OLFM3: variants seen among roughly 807,000 people sequenced by gnomAD.
OLFM3 encodes olfactomedin 3, also known as noelin-3.
Under a neutral mutation model 48.6 loss-of-function variants are expected in OLFM3, and 20 were observed. The ratio of observed to expected loss-of-function variants is 0.41; its 90% CI spans 0.29 to 0.60. The LOEUF is 0.60. Among genes scored for constraint, OLFM3 ranks in the 20% least tolerant of loss-of-function variants. The probability of loss-of-function intolerance (pLI) is 0.28; values close to 1 mark genes in which losing one functional copy is unlikely to be tolerated. For synonymous variants in OLFM3, 222 were observed against 198.1 expected (o/e 1.12, Z -1.01); for missense variants, 437 against 544.3 (o/e 0.80, Z 1.96).
chr1:101,882,202 T>C (rs961954928), intron 1 of OLFM3, among the ~76,000 whole-genome samples: 7 of 151,026 alleles, frequency 4.6e-5, no homozygotes, highest in Admixed American at 6.6e-5. Flanking sequence ...TTTGGAAAAC[T>C]ACATAAGTAT....
At position 101,870,954 on chromosome 1, in the gene OLFM3, G is replaced by GA. The variant is rs1161825988; in HGVS notation, c.70-33930dup. Among the ~76,000 whole-genome samples the GA allele has an allele frequency of 7.1e-3, 1,049 of 146,890 alleles. 16 individuals are homozygous for GA. The highest frequency in any genetic ancestry group is 0.024 in the African/African-American group (977 of 40,172). On this transcript the variant is annotated intron_variant, in intron 1 of 5. Transcript: ENST00000370103. Reference sequence around the variant, plus strand: ...GACTTTATAACTCTTTTTTTAAAAAGAAAAAAAAAGAAAAAAAGAAAAGAT... The same window carrying GA: ...GACTTTATAACTCTTTTTTTAAAAAGAAAAAAAAAAGAAAAAAAGAAAAGAT...
At chr1:101,948,119 A>C (rs1165718112) in intron 1 of OLFM3, among the ~76,000 whole-genome samples, 1 of 152,206 alleles carries the variant, frequency 6.6e-6, no homozygotes, top group Non-Finnish European at 1.5e-5. Context: ...TTTAACATTG[A>C]AACAAGGTTC....
intron 1 of OLFM3, chr1:101,837,576 T>C (rs1655491995): frequency 6.6e-6 from 1 of 151,492 alleles, no homozygotes; most frequent in African/African-American, 2.5e-5. Flanking sequence ...TTGCACGAAA[T>C]GCAGACTCTT....
chr1:101,882,106 C>A (rs751724880), intron 1 of OLFM3, among the ~76,000 whole-genome samples: 29 of 150,982 alleles, frequency 1.9e-4, no homozygotes, highest in Non-Finnish European at 3.0e-4. Context: ...GACACACACA[C>A]ATACACACAC....
chr1:101,860,104 G>C (rs1193150160), intron 1 of OLFM3: 1 of 152,080 alleles, frequency 6.6e-6, no homozygotes, highest in Non-Finnish European at 1.5e-5. Context: ...TGGGGTTGCG[G>C]GAAAGGCCAG....
chr1:101,878,730 G>A (rs965637652), intron 1 of OLFM3, among the ~76,000 whole-genome samples: 12 of 151,844 alleles, frequency 7.9e-5, no homozygotes, highest in South Asian at 2.1e-4. Flanking sequence ...AACTCATGAT[G>A]ATGGCAGAAA....
At chr1:101,960,090 G>A (rs919623507) in intron 1 of OLFM3, among the ~76,000 whole-genome samples, 3 of 152,046 alleles carry the variant, frequency 2.0e-5, no homozygotes, top group Non-Finnish European at 4.4e-5. Flanking sequence ...ATAAAATTAC[G>A]AGGCTTATGG....
chr1:101,933,699 A>G (rs1659526641), intron 1 of OLFM3, among the ~76,000 whole-genome samples: 1 of 152,194 alleles, frequency 6.6e-6, no homozygotes, highest in African/African-American at 2.4e-5. Context: ...AAAAAATGTT[A>G]AAGGCAGCTA....
Position 101,964,774 on chromosome 1 carries a change from A to T in OLFM3, c.69+31974T>A, listed in dbSNP as rs187255434. Among the ~76,000 whole-genome samples, 597 of 152,366 alleles carry T rather than the reference A, an allele frequency of 3.9e-3. 2 individuals are homozygous for T. Among genetic ancestry groups the T allele is most frequent in the Non-Finnish European group, 6.4e-3 (433 of 68,038 alleles). On this transcript the variant is annotated intron_variant, in intron 1 of 5. Transcript: ENST00000370103. Reference sequence around the variant, plus strand: ...AAAGAAAGTAAAACTCCATACAAGAATATCAGCATGAAAGTATACAGGAGA... The same window carrying T: ...AAAGAAAGTAAAACTCCATACAAGATTATCAGCATGAAAGTATACAGGAGA...
chr1:101,876,354 C>T (rs1657300237), intron 1 of OLFM3, among the ~76,000 whole-genome samples: 1 of 151,944 alleles, frequency 6.6e-6, no homozygotes, highest in African/African-American at 2.4e-5. Context: ...ACGGCAAGTC[C>T]AAAAGTGCCT....
At chr1:101,877,387 C>T (rs1425672258) in intron 1 of OLFM3, among the ~76,000 whole-genome samples, 1 of 151,882 alleles carries the variant, frequency 6.6e-6, no homozygotes, top group East Asian at 1.9e-4. Context: ...AGCTGGAGAT[C>T]AGGAGATCAA....
chr1:101,861,744 G>A (rs187861360), intron 1 of OLFM3, among the ~76,000 whole-genome samples: 1 of 152,264 alleles, frequency 6.6e-6, no homozygotes, highest in East Asian at 1.9e-4. Context: ...TGGAATGCCA[G>A]GTTTGTCACT....
chr1:101,828,009 GCTCTCTCTCT>G (rs71655097), intron 3 of OLFM3, among the ~76,000 whole-genome samples: 1 of 135,974 alleles, frequency 7.4e-6, no homozygotes, highest in East Asian at 2.2e-4. Flanking sequence ...CTGCATTCAT[GCTCTCTCTCT>G]CTCTCTCTCT....
intron 1 of OLFM3, among the ~76,000 whole-genome samples, chr1:101,910,326 C>T (rs1420118507): frequency 6.6e-6 from 1 of 151,940 alleles, no homozygotes; most frequent in Non-Finnish European, 1.5e-5. Flanking sequence ...ATTAGCCGGG[C>T]GTGGTAGCGG....
At chr1:101,826,386 G>T (rs1379122334) in intron 3 of OLFM3, among the ~76,000 whole-genome samples, 1 of 152,110 alleles carries the variant, frequency 6.6e-6, no homozygotes, top group African/African-American at 2.4e-5. Flanking sequence ...AATGTCATTT[G>T]TGGAAAGAGC....
At chr1:101,880,886 C>T (rs919741596) in intron 1 of OLFM3, among the ~76,000 whole-genome samples, 7 of 151,780 alleles carry the variant, frequency 4.6e-5, no homozygotes, top group Non-Finnish European at 8.8e-5. Context: ...ATCAAAGCTC[C>T]TCTTGGGGAA....
chr1:101,822,482 T>C (rs1654657303), intron 4 of OLFM3, among the ~76,000 whole-genome samples: 1 of 152,104 alleles, frequency 6.6e-6, no homozygotes. Flanking sequence ...AAGAGTGAAT[T>C]GATTCTCAGG....
intron 2 of OLFM3, among the ~76,000 whole-genome samples, 199 bp from the exon 3 acceptor site, chr1:101,831,026 C>A (rs1048124539): frequency 6.6e-6 from 1 of 152,078 alleles, no homozygotes; most frequent in Non-Finnish European, 1.5e-5. Context: ...TATACCTAGA[C>A]AGGAAATTTA....
At chr1:101,884,032 C>G (rs1657643886) in intron 1 of OLFM3, among the ~76,000 whole-genome samples, 2 of 151,618 alleles carry the variant, frequency 1.3e-5, no homozygotes, top group African/African-American at 4.8e-5. Context: ...GTTTATTTAT[C>G]AACATTTGTT....
Sources: allele counts gnomAD v4.1 joint callset (sites outside exome capture counted in the v4.1 genomes callset), GRCh38; gene constraint gnomAD v4.1.1; transcripts MANE v1.5; gene names NCBI Gene and HGNC (gene_info 2026-07-23, HGNC 2026-07-21).